CFAP299: variants seen among roughly 807,000 people sequenced by gnomAD.
CFAP299 encodes the protein cilia and flagella associated protein 299.
In CFAP299, 21 loss-of-function variants were observed where a neutral mutation model predicts 27.0. That is an observed-to-expected ratio of 0.78 (90% CI 0.55 to 1.12). CFAP299 has a LOEUF of 1.12. Among genes scored for constraint, CFAP299 ranks in the 50% most tolerant of loss-of-function variants. The pLI is 0.00. For synonymous variants in CFAP299, 104 were observed against 98.1 expected, an observed-to-expected ratio of 1.06 and a Z score of -0.36; for missense variants, 310 against 276.6, an observed-to-expected ratio of 1.12 and a Z score of -0.86.
intron 3 of CFAP299, among the ~76,000 whole-genome samples, chr4:80,798,039 C>A (rs544049633): frequency 6.6e-6 from 1 of 152,112 alleles, no homozygotes; most frequent in African/African-American, 2.4e-5. Flanking sequence ...TTCCTTCCAC[C>A]ATTATCCCAA....
intron 3 of CFAP299, among the ~76,000 whole-genome samples, chr4:80,827,365 A>G (rs553517192): frequency 2.2e-4 from 33 of 151,972 alleles, no homozygotes; most frequent in Non-Finnish European, 1.5e-4. Flanking sequence ...CATCATGACC[A>G]AGTGGGATTT....
At chr4:80,954,066 G>T (rs776368680) in intron 5 of CFAP299, among the ~76,000 whole-genome samples, 5 of 152,146 alleles carry the variant, frequency 3.3e-5, no homozygotes, top group Non-Finnish European at 7.3e-5. Flanking sequence ...AAATCAAGAA[G>T]TATGGAAGAG....
At chr4:80,362,990 T>G (rs1723631866) in intron 2 of CFAP299, 106 bp downstream of exon 2, 1 of 1,277,632 alleles carries the variant, frequency 7.8e-7, no homozygotes, top group Admixed American at 2.8e-5. Flanking sequence ...GTGGAGCAGG[T>G]AAAACTTGGA....
chr4:80,849,066 A>T (rs901018500), intron 3 of CFAP299, among the ~76,000 whole-genome samples: 2 of 152,220 alleles, frequency 1.3e-5, no homozygotes, highest in Non-Finnish European at 2.9e-5. Context: ...TCAAATTTTT[A>T]AAATTTTTTG....
chr4:80,536,237 A>T (rs1178696765), intron 2 of CFAP299, among the ~76,000 whole-genome samples: 1 of 152,152 alleles, frequency 6.6e-6, no homozygotes, highest in Non-Finnish European at 1.5e-5. Flanking sequence ...ACCATTGAAA[A>T]TATTTCAGTA....
At chr4:80,453,657 A>G (rs1027037309) in intron 2 of CFAP299, among the ~76,000 whole-genome samples, 7 of 151,836 alleles carry the variant, frequency 4.6e-5, no homozygotes, top group East Asian at 3.9e-4. Context: ...CCTGGCCAAC[A>G]TGGTGAAACC....
chr4:80,947,290 A>G (rs774631928), intron 5 of CFAP299, among the ~76,000 whole-genome samples: 2 of 152,206 alleles, frequency 1.3e-5, no homozygotes, highest in African/African-American at 2.4e-5. Context: ...ATTAGGCGAG[A>G]CATACAACAA....
At chr4:80,505,958 A>G (rs1459449937) in intron 2 of CFAP299, among the ~76,000 whole-genome samples, 1 of 151,654 alleles carries the variant, frequency 6.6e-6, no homozygotes, top group Non-Finnish European at 1.5e-5. Flanking sequence ...CAACACAGAG[A>G]GACTCTGTTT....
chr4:80,900,194 C>A (rs891406732), intron 4 of CFAP299, among the ~76,000 whole-genome samples: 1 of 145,938 alleles, frequency 6.9e-6, no homozygotes, highest in Non-Finnish European at 1.5e-5. Flanking sequence ...TAGTCTATAA[C>A]GGAAATGTGA....
At position 80,569,718 on chromosome 4, in the gene CFAP299, G is replaced by C. The variant is rs568412989; in HGVS notation, c.243-13375G>C. ...AAAGAAAAAACTTTCCACATTAATA[G>C]TAATATCCTGTTGTTAGACATAAAT... On this transcript the variant is annotated intron_variant, in intron 2 of 5. Coordinates refer to ENST00000358105, the MANE Select transcript of CFAP299 (RefSeq NM_152770.3). Among the ~76,000 whole-genome samples the C allele has an allele frequency of 2.6e-5, 4 of 151,966 alleles. No homozygotes were observed. The East Asian group carries it at 7.8e-4, about 29-fold the overall frequency.
intron 2 of CFAP299, among the ~76,000 whole-genome samples, chr4:80,486,637 T>C (rs933316122): frequency 6.6e-6 from 1 of 152,230 alleles, no homozygotes; most frequent in Non-Finnish European, 1.5e-5. Flanking sequence ...TTGTGCTTTC[T>C]AAAGAGAAAT....
intron 4 of CFAP299, among the ~76,000 whole-genome samples, chr4:80,923,481 A>G (rs1365972724): frequency 6.6e-6 from 1 of 152,036 alleles, no homozygotes; most frequent in Non-Finnish European, 1.5e-5. Flanking sequence ...AGTATTCTCA[A>G]ACATGAAAAT....
chr4:80,338,521 A>AT (rs2109964990), intron 1 of CFAP299, among the ~76,000 whole-genome samples: 1 of 152,242 alleles, frequency 6.6e-6, no homozygotes, highest in African/African-American at 2.4e-5. Context: ...TTGAAATTCC[A>AT]TTTTTTACCT....
intron 4 of CFAP299, among the ~76,000 whole-genome samples, chr4:80,931,793 G>A (rs113150583): frequency 0.02 from 3,082 of 152,060 alleles, 53 homozygotes; most frequent in Non-Finnish European, 0.03. Flanking sequence ...AAGCTCAAAG[G>A]TTTTCAATCC....
intron 2 of CFAP299, among the ~76,000 whole-genome samples, chr4:80,508,421 C>G (rs1319935332): frequency 6.6e-6 from 1 of 152,082 alleles, no homozygotes; most frequent in Non-Finnish European, 1.5e-5. Flanking sequence ...TATGTTTTCT[C>G]TCCAATGTAT....
At chr4:80,877,548 C>T (rs1733464108) in intron 4 of CFAP299, among the ~76,000 whole-genome samples, 1 of 152,156 alleles carries the variant, frequency 6.6e-6, no homozygotes, top group Admixed American at 6.5e-5. Flanking sequence ...AAGATTGTGT[C>T]TCTGGATAAA....
At chr4:80,714,125 G>A (rs539003980) in intron 3 of CFAP299, among the ~76,000 whole-genome samples, 1 of 152,166 alleles carries the variant, frequency 6.6e-6, no homozygotes, top group African/African-American at 2.4e-5. Flanking sequence ...CTCCTTGAGG[G>A]AAGAGTTATT....
intron 3 of CFAP299, among the ~76,000 whole-genome samples, chr4:80,665,497 T>C (rs964885539): frequency 5.9e-5 from 9 of 152,338 alleles, no homozygotes; most frequent in African/African-American, 2.2e-4. Flanking sequence ...ATTTGTTGTA[T>C]CCTTTAATGT....
intron 2 of CFAP299, among the ~76,000 whole-genome samples, chr4:80,458,336 C>T (rs1473419894): frequency 2.0e-5 from 3 of 152,312 alleles, no homozygotes; most frequent in East Asian, 3.9e-4. Flanking sequence ...CAGGCTGCGG[C>T]GCATGCCAAA....
Sources: allele counts gnomAD v4.1 joint callset (sites outside exome capture counted in the v4.1 genomes callset), GRCh38; gene constraint gnomAD v4.1.1; transcripts MANE v1.5; gene names NCBI Gene and HGNC (gene_info 2026-07-23, HGNC 2026-07-21).